Variants in GPC6 observed in about 807,000 individuals in gnomAD.
GPC6 encodes glypican-6.
GPC6 carries 14 observed loss-of-function variants against 55.2 expected under a neutral mutation model. The ratio of observed to expected loss-of-function variants is 0.25; its 90% CI spans 0.17 to 0.40. The LOEUF (loss-of-function observed/expected upper bound fraction) is 0.40, where lower values mean the gene tolerates loss of function less well. GPC6 is among the 10% of genes least tolerant of loss of function. The probability of loss-of-function intolerance (pLI) is 1.00; values close to 1 mark genes in which losing one functional copy is unlikely to be tolerated. For synonymous variants in GPC6, 278 were observed against 259.6 expected (o/e 1.07, Z -0.68); for missense variants, 641 against 708.5 (o/e 0.90, Z 1.08).
At chr13:93,714,450 T>G (rs1416222453) in intron 2 of GPC6, among the ~76,000 whole-genome samples, 1 of 151,856 alleles carries the variant, frequency 6.6e-6, no homozygotes, top group Non-Finnish European at 1.5e-5. Flanking sequence ...CTGGCATGGC[T>G]GCAGAGAAAA....
At chr13:94,226,362 C>T (rs1371075906) in intron 4 of GPC6, among the ~76,000 whole-genome samples, 1 of 151,998 alleles carries the variant, frequency 6.6e-6, no homozygotes, top group Non-Finnish European at 1.5e-5. Flanking sequence ...TGCTCTGCTG[C>T]ACATTAGGAT....
chr13:94,253,316 T>C (rs1891414023), intron 4 of GPC6, among the ~76,000 whole-genome samples: 1 of 152,130 alleles, frequency 6.6e-6, no homozygotes, highest in Non-Finnish European at 1.5e-5. Flanking sequence ...ACTATCTTCC[T>C]AGATTGTACA....
intron 3 of GPC6, among the ~76,000 whole-genome samples, chr13:93,966,633 G>C (rs915770307): frequency 2.1e-5 from 3 of 142,950 alleles, no homozygotes; most frequent in Non-Finnish European, 4.6e-5. Context: ...TTTACTATCA[G>C]TTTTGTTTGT....
chr13:93,710,715 G>A (rs1309925759), intron 2 of GPC6, among the ~76,000 whole-genome samples: 1 of 146,948 alleles, frequency 6.8e-6, no homozygotes, highest in African/African-American at 2.6e-5. Context: ...AATATGGTCT[G>A]TATGAAGAAA....
At chr13:94,180,878 C>CAGAGAGAG (rs71272207) in intron 4 of GPC6, among the ~76,000 whole-genome samples, 8 of 149,662 alleles carry the variant, frequency 5.3e-5, no homozygotes, top group South Asian at 2.1e-4. Flanking sequence ...GAGACACACA[C>CAGAGAGAG]AGAGAGAGAG....
intron 2 of GPC6, among the ~76,000 whole-genome samples, chr13:93,714,667 T>G (rs1217325163): frequency 1.3e-5 from 2 of 151,604 alleles, no homozygotes; most frequent in Non-Finnish European, 3.0e-5. Flanking sequence ...GTTCTTGATT[T>G]TGTACAAGAA....
intron 1 of GPC6, among the ~76,000 whole-genome samples, chr13:93,281,767 G>A (rs574913634): frequency 1.2e-4 from 18 of 152,302 alleles, no homozygotes; most frequent in African/African-American, 2.4e-4. Context: ...GGTAAGCCAC[G>A]ATCATGCCAG....
At chr13:94,387,618 C>A (rs531624055) in intron 7 of GPC6, among the ~76,000 whole-genome samples, 78 of 152,250 alleles carry the variant, frequency 5.1e-4, no homozygotes, top group Middle Eastern at 3.4e-3. Context: ...TAGTTGAAAT[C>A]CTCACCCCTT....
chr13:93,414,199 T>C (rs1002553449), intron 1 of GPC6, among the ~76,000 whole-genome samples: 4 of 152,180 alleles, frequency 2.6e-5, no homozygotes, highest in Non-Finnish European at 5.9e-5. Context: ...GCTTTGTTCA[T>C]GTACTTTGTG....
chr13:93,631,075 T>C (rs1302208180), intron 2 of GPC6, among the ~76,000 whole-genome samples: 1 of 152,142 alleles, frequency 6.6e-6, no homozygotes, highest in African/African-American at 2.4e-5. Flanking sequence ...TTAGTTCAGG[T>C]AAGACAGGGG....
intron 2 of GPC6, among the ~76,000 whole-genome samples, chr13:93,630,435 G>A (rs781478564): frequency 4.6e-5 from 7 of 152,108 alleles, no homozygotes; most frequent in Non-Finnish European, 1.0e-4. Context: ...CTTTCATGGA[G>A]GACATTGCCA....
intron 4 of GPC6, among the ~76,000 whole-genome samples, chr13:94,160,553 A>T (rs1351646694): frequency 6.6e-6 from 1 of 152,362 alleles, no homozygotes; most frequent in African/African-American, 2.4e-5. Context: ...CATGCACTGC[A>T]TGGGTTGCAG....
At chr13:94,184,809 A>T (rs992252247) in intron 4 of GPC6, among the ~76,000 whole-genome samples, 2 of 152,222 alleles carry the variant, frequency 1.3e-5, no homozygotes, top group Admixed American at 6.5e-5. Flanking sequence ...GCCAAGTGAA[A>T]TAGATCATTG....
At chr13:94,146,439 T>C (rs1007959353) in intron 4 of GPC6, among the ~76,000 whole-genome samples, 2 of 152,182 alleles carry the variant, frequency 1.3e-5, no homozygotes, top group Admixed American at 6.5e-5. Context: ...TTATTATTAA[T>C]ACCTTTTACC....
intron 3 of GPC6, among the ~76,000 whole-genome samples, chr13:93,833,167 A>G (rs938281120): frequency 1.2e-4 from 18 of 149,286 alleles, no homozygotes; most frequent in Admixed American, 9.6e-4. Flanking sequence ...GATGGTATAT[A>G]TATATATAGC....
At chr13:94,310,091 G>C (rs571893903) in intron 6 of GPC6, among the ~76,000 whole-genome samples, 1 of 152,126 alleles carries the variant, frequency 6.6e-6, no homozygotes, top group Non-Finnish European at 1.5e-5. Context: ...AGCATCAAAA[G>C]GTATTTCAAA....
At chr13:93,784,431 T>A (rs1402619122) in intron 2 of GPC6, among the ~76,000 whole-genome samples, 4 of 152,172 alleles carry the variant, frequency 2.6e-5, no homozygotes, top group African/African-American at 7.2e-5. Context: ...TTTCTGTTTA[T>A]GTAATGTACT....
At position 93,300,647 on chromosome 13, in the gene GPC6, C is replaced by CAA. The variant is rs11386516; in HGVS notation, c.160+73047_160+73048dup. On this transcript the variant is annotated intron_variant, in intron 1 of 8. Coordinates refer to ENST00000377047, the MANE Select transcript of GPC6 (RefSeq NM_005708.5). Reference sequence around the variant, plus strand: ...TGGGCCACAGAGCCAGACTCTGTCTCAAAAAAAAAAAAAAAAAGAATAGGA... The same window carrying CAA: ...TGGGCCACAGAGCCAGACTCTGTCTCAAAAAAAAAAAAAAAAAAAGAATAGGA... Among the ~76,000 whole-genome samples, 901 of 99,426 alleles carry CAA rather than the reference C, an allele frequency of 9.1e-3. 4 individuals are homozygous for CAA. The highest frequency in any genetic ancestry group is 0.022 in the Admixed American group (205 of 9,372). The allele number at this position is 99,426 out of a possible 152,430, so 65.2% of individuals were successfully genotyped here.
chr13:93,235,848 G>GT (rs1555336482), intron 1 of GPC6, among the ~76,000 whole-genome samples: 2 of 151,754 alleles, frequency 1.3e-5, no homozygotes, highest in Non-Finnish European at 2.9e-5. Flanking sequence ...CCAGTGCAGA[G>GT]TCTTGCAGGA....
Sources: gnomAD v4.1 joint callset for allele counts (sites outside exome capture counted in the v4.1 genomes callset) on GRCh38, gnomAD v4.1.1 for gene constraint, MANE v1.5 for transcripts, NCBI Gene and HGNC (gene_info 2026-07-23, HGNC 2026-07-21) for gene names.